The following EFCAB6 variants were observed in gnomAD, a reference collection of about 807,000 sequenced individuals.
The protein encoded by EFCAB6 is EF-hand calcium-binding domain-containing protein 6.
Under a neutral mutation model 169.8 loss-of-function variants are expected in EFCAB6, and 156 were observed. The observed-to-expected ratio is 0.92, with a 90% CI of 0.81 to 1.05. EFCAB6 has a LOEUF of 1.05. Among genes scored for constraint, EFCAB6 ranks in the 50% least tolerant of loss-of-function variants. The pLI, the probability that EFCAB6 is intolerant of heterozygous loss-of-function variation, is 0.00. For synonymous variants in EFCAB6, 698 were observed against 676.4 expected, an observed-to-expected ratio of 1.03 and a Z score of -0.50; for missense variants, 1,800 against 1,829.1, an observed-to-expected ratio of 0.98 and a Z score of 0.29.
At chr22:43,802,602 C>T in intron 2 of EFCAB6, 1 of 455,282 alleles carries the variant, frequency 2.2e-6, no homozygotes, top group Non-Finnish European at 4.2e-6. Context: ...GCTAAACCTG[C>T]TCCTCCAAAG....
chr22:43,686,169 G>A (rs887397227), intron 11 of EFCAB6, among the ~76,000 whole-genome samples: 1 of 152,066 alleles, frequency 6.6e-6, no homozygotes, highest in Admixed American at 6.6e-5. Flanking sequence ...TAGTAGAGAT[G>A]GGGTTTCTCC....
intron 6 of EFCAB6, among the ~76,000 whole-genome samples, chr22:43,741,859 G>C (rs1042126547): frequency 6.6e-6 from 1 of 152,102 alleles, no homozygotes; most frequent in Non-Finnish European, 1.5e-5. Context: ...CCTGCACTTG[G>C]TAACTAGCTC....
At chr22:43,573,152 A>G (rs1372443069) in intron 26 of EFCAB6, among the ~76,000 whole-genome samples, 1 of 152,208 alleles carries the variant, frequency 6.6e-6, no homozygotes, top group African/African-American at 2.4e-5. Context: ...GGGTAAGAAT[A>G]TTATTGAGAG....
intron 20 of EFCAB6, among the ~76,000 whole-genome samples, chr22:43,619,235 C>T (rs188044746): frequency 2.6e-5 from 4 of 152,078 alleles, no homozygotes; most frequent in Non-Finnish European, 5.9e-5. Flanking sequence ...CCCTGAAGAG[C>T]GCTGCAATGA....
rs899479502 is a variant in EFCAB6 at position 43,537,122 on chromosome 22, T to G, written c.4048+255A>C. ...GCCCAGGGTGGCAACCACTGTGATT[T>G]CTAAAGCTCAGAGTTAGTGCAGCGC... On this transcript the variant is annotated intron_variant, in intron 29 of 31. Transcript: ENST00000262726. The surrounding 1 kb of genome is among the most constrained non-coding windows in gnomAD (Gnocchi z 4.3). The G allele has an allele frequency of 7.8e-5, 29 of 371,996 alleles. 1 individual carries two copies. Among genetic ancestry groups the G allele is most frequent in the African/African-American group, 5.9e-4 (29 of 49,352 alleles). 23.0% of individuals were successfully genotyped at this position (371,996 alleles called of 1,614,324 possible).
chr22:43,763,132 G>A (rs2061219938), intron 5 of EFCAB6, among the ~76,000 whole-genome samples: 1 of 152,046 alleles, frequency 6.6e-6, no homozygotes, highest in African/African-American at 2.4e-5. Flanking sequence ...TCTGCCTCCT[G>A]AGTTCAAGTG....
intron 12 of EFCAB6, among the ~76,000 whole-genome samples, chr22:43,681,987 G>C (rs1308113314): frequency 2.0e-5 from 3 of 152,212 alleles, no homozygotes; most frequent in African/African-American, 7.2e-5. Flanking sequence ...TGGATCTAAA[G>C]CAGTCTTTTA....
intron 22 of EFCAB6, among the ~76,000 whole-genome samples, chr22:43,605,633 ACT>A (rs1453303132): frequency 3.3e-5 from 5 of 151,722 alleles, no homozygotes; most frequent in Non-Finnish European, 5.9e-5. Context: ...ACAGAGTGAG[ACT>A]CTGTCAAAAA....
At chr22:43,648,873 G>A (rs2148038355) in intron 17 of EFCAB6, among the ~76,000 whole-genome samples, 1 of 152,312 alleles carries the variant, frequency 6.6e-6, no homozygotes, top group East Asian at 1.9e-4. Context: ...CACTTACGAT[G>A]TGCTAGGCAC....
intron 26 of EFCAB6, among the ~76,000 whole-genome samples, chr22:43,568,095 G>A (rs796949392): frequency 1.1e-4 from 16 of 152,274 alleles, no homozygotes; most frequent in African/African-American, 3.6e-4. Flanking sequence ...GTTTTGAGAC[G>A]CCCACCCAGT....
At chr22:43,741,073 A>T (rs2060352247) in intron 6 of EFCAB6, among the ~76,000 whole-genome samples, 1 of 152,202 alleles carries the variant, frequency 6.6e-6, no homozygotes, top group Non-Finnish European at 1.5e-5. Context: ...ATCAAAGGCA[A>T]CAAAGTTAGG....
chr22:43,668,164 TA>T (rs1236552596), intron 16 of EFCAB6, among the ~76,000 whole-genome samples: 1 of 152,208 alleles, frequency 6.6e-6, no homozygotes, highest in African/African-American at 2.4e-5. Flanking sequence ...TTAATTAGCA[TA>T]TCATTAAAAT....
At chr22:43,577,006 C>A (rs941227368) in intron 25 of EFCAB6, among the ~76,000 whole-genome samples, 1 of 152,150 alleles carries the variant, frequency 6.6e-6, no homozygotes, top group African/African-American at 2.4e-5. Flanking sequence ...GGGGACCACC[C>A]TGACCCCACC....
At chr22:43,539,590 T>C (rs1386114879) in intron 28 of EFCAB6, among the ~76,000 whole-genome samples, 14 of 152,152 alleles carry the variant, frequency 9.2e-5, no homozygotes, top group Non-Finnish European at 1.3e-4. Flanking sequence ...TTGGCAAGCC[T>C]GGGCACCTTC....
intron 17 of EFCAB6, among the ~76,000 whole-genome samples, chr22:43,657,360 G>A (rs1461418989): frequency 1.3e-5 from 2 of 151,804 alleles, no homozygotes; most frequent in African/African-American, 2.4e-5. Context: ...TCAAAGGATA[G>A]ACTGAAGTCA....
Position 43,576,478 on chromosome 22 carries a change from G to A in EFCAB6, c.3239C>T (p.Ala1080Val), listed in dbSNP as rs1035259619. ...SQLALSTAFSALDKEDTGFVK... is the reference protein window; with the variant it reads ...SQLALSTAFSVLDKEDTGFVK... ...AAATCCTGTATCCTCTTTATCCAATGCAGAAAATGCCTAAAAAGAAAGAAA... is the reference window on the plus strand; with the variant it reads ...AAATCCTGTATCCTCTTTATCCAATACAGAAAATGCCTAAAAAGAAAGAAA... Residue 1080 changes from alanine to valine, a missense_variant, in exon 26 of 32, where the codon GCA becomes GTA. Coordinates refer to ENST00000262726, the MANE Select transcript of EFCAB6 (RefSeq NM_022785.4). The A allele has an allele frequency of 6.5e-7, 1 of 1,531,428 alleles. No homozygotes were observed. Among genetic ancestry groups the A allele is most frequent in the Non-Finnish European group, 8.7e-7 (1 of 1,147,374 alleles). The allele number at this position is 1,531,428 out of a possible 1,614,324, so 94.9% of individuals were successfully genotyped here.
At chr22:43,750,123 T>TA (rs552898257) in intron 6 of EFCAB6, among the ~76,000 whole-genome samples, 144 of 148,824 alleles carry the variant, frequency 9.7e-4, no homozygotes, top group African/African-American at 3.0e-3. Flanking sequence ...ACAGGAAGAT[T>TA]AAAAAAAAAA....
At position 43,671,981 on chromosome 22, in the gene EFCAB6, A is replaced by G. The variant is rs1179295106; in HGVS notation, c.1632T>C (p.His544=). ...TGTTACAAAAAACTTACTTTATGAA[A>G]TGTGCATTCGTTAAAAATGGACAGA... ...HVFCPFLTNA[H]FIKLCSKIQD... Residue 544 remains histidine (H), a synonymous_variant, in exon 15 of 32, where the codon CAT becomes CAC. Transcript: ENST00000262726. The G allele has an allele frequency of 1.9e-6, 3 of 1,612,212 alleles. No individual in the cohort carries two copies. Among genetic ancestry groups the G allele is most frequent in the Non-Finnish European group, 1.7e-6 (2 of 1,179,572 alleles).
chr22:43,698,021 A>G (rs2058638599), intron 10 of EFCAB6, among the ~76,000 whole-genome samples: 1 of 151,990 alleles, frequency 6.6e-6, no homozygotes, highest in Non-Finnish European at 1.5e-5. Flanking sequence ...ACTGAGGGGG[A>G]CTCTGGATAC....
Sources: allele counts gnomAD v4.1 joint callset (sites outside exome capture counted in the v4.1 genomes callset), GRCh38; gene constraint gnomAD v4.1.1; non-coding constraint Gnocchi (gnomAD v3.1); transcripts MANE v1.5; gene names NCBI Gene and HGNC (gene_info 2026-07-23, HGNC 2026-07-21).